ITPR1: variants seen among roughly 807,000 people sequenced by gnomAD.
The protein encoded by ITPR1 is inositol 1,4,5-trisphosphate-gated calcium channel ITPR1.
ITPR1 carries 96 observed loss-of-function variants against 318.4 expected under a neutral mutation model. The observed-to-expected ratio is 0.30, with a 90% CI of 0.26 to 0.36. The LOEUF (loss-of-function observed/expected upper bound fraction) is 0.36, where lower values mean the gene tolerates loss of function less well. Among genes scored for constraint, ITPR1 ranks in the 10% least tolerant of loss-of-function variants. The probability of loss-of-function intolerance (pLI) is 1.00; values close to 1 mark genes in which losing one functional copy is unlikely to be tolerated. For missense variants in ITPR1, 2,440 were observed against 3,460.2 expected (o/e 0.71, Z 7.40); for synonymous variants, 1,312 against 1,289.9 (o/e 1.02, Z -0.37).
intron 8 of ITPR1, among the ~76,000 whole-genome samples, chr3:4,644,995 C>T (rs1467532804): frequency 2.0e-5 from 3 of 152,342 alleles, no homozygotes; most frequent in East Asian, 3.9e-4. Context: ...TGATCATTAA[C>T]ATTTTCGAGT....
intron 4 of ITPR1, among the ~76,000 whole-genome samples, chr3:4,601,408 A>G (rs536699520): frequency 6.6e-6 from 1 of 151,384 alleles, no homozygotes; most frequent in African/African-American, 2.4e-5. Flanking sequence ...AGTCCCAGCT[A>G]CTCGGGAGGC....
At chr3:4,835,432 T>A (rs1368406980) in intron 60 of ITPR1, among the ~76,000 whole-genome samples, 1 of 152,166 alleles carries the variant, frequency 6.6e-6, no homozygotes, top group Non-Finnish European at 1.5e-5. Context: ...ACTGGTTGTT[T>A]GGGGGGTATA....
At chr3:4,519,756 G>A (rs2082421384) in intron 3 of ITPR1, among the ~76,000 whole-genome samples, 2 of 147,884 alleles carry the variant, frequency 1.4e-5, no homozygotes, top group East Asian at 1.9e-4. Context: ...CAAACTGCTG[G>A]TGGGGTACCA....
chr3:4,727,005 C>A, intron 41 of ITPR1, 121 bp from the exon 42 acceptor site: 2 of 794,778 alleles, frequency 2.5e-6, no homozygotes, highest in Non-Finnish European at 4.1e-6. Flanking sequence ...CAGACCTATT[C>A]TCCTTTTGTG....
At chr3:4,519,915 C>T (rs995139710) in intron 3 of ITPR1, among the ~76,000 whole-genome samples, 6 of 152,106 alleles carry the variant, frequency 3.9e-5, no homozygotes, top group South Asian at 2.1e-4. Context: ...GAGTGTCTGG[C>T]GCAGGAGAAG....
intron 26 of ITPR1, among the ~76,000 whole-genome samples, chr3:4,681,624 A>AGTGTGTGTGTGTGTGT (rs10665371): frequency 2.4e-3 from 353 of 145,878 alleles, no homozygotes; most frequent in African/African-American, 7.4e-3. Flanking sequence ...AGAGAGAGAA[A>AGTGTGTGTGTGTGTGT]GTGTGTGTGT....
intron 37 of ITPR1, among the ~76,000 whole-genome samples, chr3:4,708,835 A>G (rs2094812133): frequency 6.6e-6 from 1 of 152,222 alleles, no homozygotes; most frequent in South Asian, 2.1e-4. Flanking sequence ...TTCACTCGCA[A>G]ACAGACCACT....
At chr3:4,837,559 A>G (rs1388023120) in intron 61 of ITPR1, among the ~76,000 whole-genome samples, 1 of 151,990 alleles carries the variant, frequency 6.6e-6, no homozygotes, top group Non-Finnish European at 1.5e-5. Flanking sequence ...TCCTATCCGT[A>G]AGATAAATGC....
intron 12 of ITPR1, among the ~76,000 whole-genome samples, chr3:4,657,883 G>A (rs1473438912): frequency 6.6e-6 from 1 of 151,074 alleles, no homozygotes; most frequent in East Asian, 1.9e-4. Flanking sequence ...GGGATTACAG[G>A]TGTGAGCCAC....
chr3:4,730,506 G>A (rs1047826584), intron 42 of ITPR1, among the ~76,000 whole-genome samples: 1 of 151,666 alleles, frequency 6.6e-6, no homozygotes, highest in African/African-American at 2.4e-5. Context: ...GTAACTGCTA[G>A]GGTTTTTCTG....
intron 61 of ITPR1, among the ~76,000 whole-genome samples, chr3:4,844,483 G>A (rs1391529682): frequency 1.3e-5 from 2 of 152,210 alleles, no homozygotes; most frequent in South Asian, 2.1e-4. Context: ...ATTTAGCTAA[G>A]TTGTATTGGA....
At chr3:4,789,433 A>G (rs886851922) in intron 52 of ITPR1, among the ~76,000 whole-genome samples, 15 of 152,194 alleles carry the variant, frequency 9.9e-5, no homozygotes, top group Non-Finnish European at 5.9e-5. Context: ...CTTGGGCAAT[A>G]AGAGGGAAAA....
In ITPR1 at chr3:4,553,869, G is replaced by A. The variant is rs979860785; in HGVS notation, c.163+32775G>A. Among the ~76,000 whole-genome samples the A allele has an allele frequency of 2.6e-5, 4 of 152,226 alleles. 1 individual carries two copies. The East Asian group carries it at 5.8e-4, about 22-fold the overall frequency. ...ACCTGCCTTGGCCTCCCAAAGTGCT[G>A]GGGTTACGGGCGTGAGCCACCACGC... On this transcript the variant is annotated intron_variant, in intron 4 of 61. Transcript: ENST00000649015.
chr3:4,652,258 C>A, intron 11 of ITPR1, 40 bp downstream of exon 11: 6 of 1,365,612 alleles, frequency 4.4e-6, no homozygotes, highest in East Asian at 2.4e-5. Context: ...TCAAGGCTGA[C>A]GCACCTCACC....
chr3:4,539,612 G>C (rs1186239450), intron 4 of ITPR1, among the ~76,000 whole-genome samples: 1 of 152,174 alleles, frequency 6.6e-6, no homozygotes, highest in Admixed American at 6.5e-5. Context: ...TCCCAAAACT[G>C]AGGTTGGAAC....
rs3805033 is a variant in ITPR1 at position 4,837,942 on chromosome 3, G to T, written c.8190+1007G>T. Among the ~76,000 whole-genome samples the T allele has an allele frequency of 2.1e-3, 313 of 152,236 alleles. 2 individuals are homozygous for T. Among genetic ancestry groups the T allele is most frequent in the East Asian group, 0.012 (61 of 5,178 alleles). ...AGATTATAGTGTTGCACAGCAATAG[G>T]CATGGGCCATGTCTGCACTGGAGGT... On this transcript the variant is annotated intron_variant, in intron 61 of 61. Coordinates refer to ENST00000649015, the MANE Select transcript of ITPR1 (RefSeq NM_001378452.1).
At chr3:4,758,778 G>A (rs993546835) in intron 44 of ITPR1, among the ~76,000 whole-genome samples, 1 of 152,160 alleles carries the variant, frequency 6.6e-6, no homozygotes, top group Admixed American at 6.5e-5. Context: ...TATGGCCTTG[G>A]CTCCTTGCTA....
chr3:4,620,288 T>C (rs1343850557), intron 4 of ITPR1, among the ~76,000 whole-genome samples: 1 of 152,214 alleles, frequency 6.6e-6, no homozygotes, highest in Non-Finnish European at 1.5e-5. Context: ...TACACGCAGC[T>C]GCAGAGCCTC....
chr3:4,816,646 C>T (rs764211983), intron 59 of ITPR1, among the ~76,000 whole-genome samples: 2 of 152,208 alleles, frequency 1.3e-5, no homozygotes, highest in Admixed American at 6.5e-5. Flanking sequence ...GTTTTAGCTT[C>T]CCAAAGTGTT....
Sources: allele counts gnomAD v4.1 joint callset (sites outside exome capture counted in the v4.1 genomes callset), GRCh38; gene constraint gnomAD v4.1.1; transcripts MANE v1.5; gene names NCBI Gene and HGNC (gene_info 2026-07-23, HGNC 2026-07-21).